DPP6: variants seen among roughly 807,000 people sequenced by gnomAD.
DPP6 encodes the protein dipeptidyl peptidase like 6.
Under a neutral mutation model 122.6 loss-of-function variants are expected in DPP6, and 69 were observed. The ratio of observed to expected loss-of-function variants is 0.56; its 90% CI spans 0.46 to 0.69. The LOEUF is 0.69. Among genes scored for constraint, DPP6 ranks in the 30% least tolerant of loss-of-function variants. The probability of loss-of-function intolerance (pLI) is 0.00; values close to 1 mark genes in which losing one functional copy is unlikely to be tolerated. For missense variants in DPP6, 928 were observed against 1,116.9 expected, an observed-to-expected ratio of 0.83 and a Z score of 2.41; for synonymous variants, 418 against 433.1, an observed-to-expected ratio of 0.97 and a Z score of 0.43.
At chr7:154,779,294 A>ATCGC (rs1394797466) in intron 10 of DPP6, among the ~76,000 whole-genome samples, 24 of 73,062 alleles carry the variant, frequency 3.3e-4, no homozygotes, top group Non-Finnish European at 6.0e-4. Flanking sequence ...CACCCCCACT[A>ATCGC]CTATCACCAC....
At chr7:153,877,339 A>G in the DPP6 span, among the ~76,000 whole-genome samples, 8 of 152,028 alleles carry the variant, frequency 5.3e-5, no homozygotes, top group African/African-American at 1.7e-4. Flanking sequence ...TTCATTTGTT[A>G]CTTTTTAAAC....
At chr7:154,360,866 A>G (rs1811664871) in intron 1 of DPP6, among the ~76,000 whole-genome samples, 1 of 152,170 alleles carries the variant, frequency 6.6e-6, no homozygotes, top group Non-Finnish European at 1.5e-5. Context: ...CTGTGCATGG[A>G]ATTTTTATTG....
intron 1 of DPP6, among the ~76,000 whole-genome samples, chr7:153,967,609 A>G (rs1795819912): frequency 6.6e-6 from 1 of 152,136 alleles, no homozygotes; most frequent in South Asian, 2.1e-4. Context: ...TTCAGCTGTT[A>G]CAAAGCTCGT....
chr7:154,143,139 T>C (rs1030625944), intron 1 of DPP6, among the ~76,000 whole-genome samples: 2 of 151,418 alleles, frequency 1.3e-5, no homozygotes, highest in Admixed American at 6.6e-5. Flanking sequence ...CAAGGGCTGC[T>C]TCCTGTGTGT....
At chr7:154,554,918 C>T (rs554401843) in intron 4 of DPP6, among the ~76,000 whole-genome samples, 68 of 152,264 alleles carry the variant, frequency 4.5e-4, no homozygotes, top group African/African-American at 1.5e-3. Flanking sequence ...GATTAAGTCA[C>T]TAGGTGCTGA....
intron 5 of DPP6, among the ~76,000 whole-genome samples, chr7:154,627,431 C>G (rs1478733970): frequency 6.6e-6 from 1 of 151,836 alleles, no homozygotes; most frequent in East Asian, 1.9e-4. Context: ...ATCTCTTGAC[C>G]TCGTGATCCA....
intron 1 of DPP6, among the ~76,000 whole-genome samples, chr7:154,215,543 C>T (rs1210841123): frequency 6.6e-6 from 1 of 152,156 alleles, no homozygotes; most frequent in Non-Finnish European, 1.5e-5. Context: ...AAGATCGTCA[C>T]ACTCAAAGGG....
In DPP6 at chr7:154,879,308, C is replaced by T. The variant is rs1207088144; in HGVS notation, c.2079-1580C>T. On this transcript the variant is annotated intron_variant, in intron 20 of 25. Transcript: ENST00000377770. ...TAAAAACACAAAAATCGGCCGGGCG[C>T]GGTGGCTCACGCCTGTAATCCCAGC... Among the ~76,000 whole-genome samples the T allele has an allele frequency of 2.5e-4, 23 of 91,606 alleles. 4 individuals carry two copies. Among genetic ancestry groups the T allele is most frequent in the Admixed American group, 1.1e-3 (8 of 7,168 alleles). The allele number at this position is 91,606 out of a possible 152,430, so 60.1% of individuals were successfully genotyped here. A position where few individuals can be genotyped will look rare whatever the true frequency, so the allele number is the denominator to read the frequency against.
At chr7:153,859,185 G>T in the DPP6 span, among the ~76,000 whole-genome samples, 3 of 152,182 alleles carry the variant, frequency 2.0e-5, no homozygotes, top group Non-Finnish European at 4.4e-5. Flanking sequence ...GGCCCGTCTG[G>T]TGATAGGCCA....
At chr7:154,786,814 C>T (rs933845530) in intron 10 of DPP6, among the ~76,000 whole-genome samples, 10 of 152,064 alleles carry the variant, frequency 6.6e-5, no homozygotes, top group Admixed American at 2.6e-4. Flanking sequence ...CACTTATCAC[C>T]GTTTCATCCA....
chr7:153,804,701 T>C, the DPP6 span, among the ~76,000 whole-genome samples: 2 of 152,066 alleles, frequency 1.3e-5, no homozygotes, highest in Non-Finnish European at 2.9e-5. Flanking sequence ...GAGACCAGCC[T>C]GGCCAACATG....
the DPP6 span, among the ~76,000 whole-genome samples, chr7:153,882,057 GTC>G: frequency 6.6e-6 from 1 of 152,144 alleles, no homozygotes; most frequent in Admixed American, 6.5e-5. Flanking sequence ...CATATCATTA[GTC>G]TCTCAACATA....
intron 16 of DPP6, among the ~76,000 whole-genome samples, chr7:154,822,083 C>T (rs1374742458): frequency 1.3e-5 from 2 of 152,094 alleles, no homozygotes; most frequent in South Asian, 2.1e-4. Flanking sequence ...TCGCTCCCTC[C>T]TTCCCTGGGG....
chr7:153,882,067 ATATTT>A, the DPP6 span, among the ~76,000 whole-genome samples: 1 of 152,232 alleles, frequency 6.6e-6, no homozygotes, highest in Non-Finnish European at 1.5e-5. Flanking sequence ...GTCTCTCAAC[ATATTT>A]TAAGTTAATT....
chr7:154,245,635 C>CAAAAA (rs71182888), intron 1 of DPP6, among the ~76,000 whole-genome samples: 6 of 100,668 alleles, frequency 6.0e-5, no homozygotes, highest in African/African-American at 2.4e-4. Flanking sequence ...AAGACTGTCT[C>CAAAAA]AAAAAAAAAA....
intron 1 of DPP6, among the ~76,000 whole-genome samples, chr7:154,418,133 A>G (rs762699955): frequency 1.3e-5 from 2 of 152,202 alleles, no homozygotes; most frequent in Non-Finnish European, 2.9e-5. Context: ...CCAGCATGCC[A>G]TAGCAGAACC....
intron 21 of DPP6, 148 bp from the exon 22 acceptor site, chr7:154,885,485 C>T (rs1321374683): frequency 6.2e-6 from 7 of 1,134,374 alleles, no homozygotes; most frequent in African/African-American, 3.1e-5. Context: ...TGTTACTGCC[C>T]CGTGAACAAC....
intron 8 of DPP6, among the ~76,000 whole-genome samples, chr7:154,738,515 TGG>T (rs982211516): frequency 1.3e-5 from 2 of 152,206 alleles, no homozygotes; most frequent in African/African-American, 4.8e-5. Flanking sequence ...GCTGTGAGGA[TGG>T]GGGAATTATC....
chr7:153,965,206 G>A (rs17837514), intron 1 of DPP6, among the ~76,000 whole-genome samples: 14 of 151,714 alleles, frequency 9.2e-5, no homozygotes, highest in African/African-American at 2.4e-4. Flanking sequence ...TGAAATAATC[G>A]AGAGCATATG....
Sources: allele counts gnomAD v4.1 joint callset (sites outside exome capture counted in the v4.1 genomes callset), GRCh38; gene constraint gnomAD v4.1.1; transcripts MANE v1.5; gene names NCBI Gene and HGNC (gene_info 2026-07-23, HGNC 2026-07-21).